Variants in B3GALT1 observed in about 807,000 individuals in gnomAD.
The protein encoded by B3GALT1 is UDP-Gal:betaGlcNAc beta 1,3-galactosyltransferase, polypeptide 1.
B3GALT1 carries 10 observed loss-of-function variants against 23.2 expected under a neutral mutation model. The observed-to-expected ratio is 0.43, with a 90% CI of 0.27 to 0.73. The LOEUF (loss-of-function observed/expected upper bound fraction) is 0.73. Among genes scored for constraint, B3GALT1 ranks in the 30% least tolerant of loss-of-function variants. The pLI is 0.21. For missense variants in B3GALT1, 299 were observed against 405.4 expected (o/e 0.74, Z 2.25); for synonymous variants, 156 against 141.5 (o/e 1.10, Z -0.73).
intron 1 of B3GALT1, among the ~76,000 whole-genome samples, chr2:167,322,794 G>C (rs995306048): frequency 6.6e-6 from 1 of 151,998 alleles, no homozygotes; most frequent in Non-Finnish European, 1.5e-5. Context: ...TGAATTACTG[G>C]TGAGCTTTTT....
chr2:167,508,179 G>A (rs1322063677), intron 2 of B3GALT1, among the ~76,000 whole-genome samples: 1 of 152,016 alleles, frequency 6.6e-6, no homozygotes, highest in African/African-American at 2.4e-5. Context: ...ACTTTAGGCG[G>A]ACATAATACA....
At chr2:167,347,942 T>G (rs1697250381) in intron 1 of B3GALT1, among the ~76,000 whole-genome samples, 1 of 152,168 alleles carries the variant, frequency 6.6e-6, no homozygotes, top group Admixed American at 6.5e-5. Flanking sequence ...GTGTTTAGGT[T>G]AGTAGAAAGA....
At chr2:167,537,306 C>A (rs1223985013) in intron 2 of B3GALT1, among the ~76,000 whole-genome samples, 1 of 152,084 alleles carries the variant, frequency 6.6e-6, no homozygotes, top group East Asian at 1.9e-4. Flanking sequence ...CTCCACCTGG[C>A]CCCTCCCTTG....
intron 2 of B3GALT1, among the ~76,000 whole-genome samples, chr2:167,583,092 TC>T (rs1684517002): frequency 6.6e-6 from 1 of 152,106 alleles, no homozygotes; most frequent in Non-Finnish European, 1.5e-5. Context: ...GGACAAGAAC[TC>T]CTCTGCTCTC....
intron 4 of B3GALT1, among the ~76,000 whole-genome samples, chr2:167,831,276 G>T (rs761493272): frequency 2.6e-5 from 4 of 152,118 alleles, no homozygotes; most frequent in Non-Finnish European, 5.9e-5. Flanking sequence ...AACTACAACT[G>T]CAGTTAATGG....
At chr2:167,552,085 C>T (rs1683757733) in intron 2 of B3GALT1, among the ~76,000 whole-genome samples, 2 of 152,156 alleles carry the variant, frequency 1.3e-5, no homozygotes, top group African/African-American at 4.8e-5. Flanking sequence ...CTTGCAGCTG[C>T]ATCAGTTTTG....
intron 3 of B3GALT1, among the ~76,000 whole-genome samples, chr2:167,700,054 C>T (rs902593437): frequency 3.9e-5 from 6 of 152,030 alleles, no homozygotes; most frequent in African/African-American, 1.2e-4. Flanking sequence ...TTATTGCTAG[C>T]CTTGGCAACA....
At chr2:167,520,272 T>C (rs1406671662) in intron 2 of B3GALT1, among the ~76,000 whole-genome samples, 1 of 151,684 alleles carries the variant, frequency 6.6e-6, no homozygotes, top group Non-Finnish European at 1.5e-5. Context: ...GCAGTCTTTT[T>C]TACATTATAA....
chr2:167,801,652 AT>A (rs753321396), intron 3 of B3GALT1, among the ~76,000 whole-genome samples: 1 of 152,208 alleles, frequency 6.6e-6, no homozygotes, highest in Non-Finnish European at 1.5e-5. Flanking sequence ...TCGGAAAAAA[AT>A]AATAGTGCAT....
intron 1 of B3GALT1, among the ~76,000 whole-genome samples, chr2:167,316,098 G>C (rs1161414569): frequency 2.0e-5 from 3 of 152,074 alleles, no homozygotes; most frequent in Non-Finnish European, 4.4e-5. Flanking sequence ...TACCACTACT[G>C]TGAGAACTGA....
chr2:167,370,213 GAGTTT>G (rs141257706), intron 1 of B3GALT1, among the ~76,000 whole-genome samples: 2,490 of 152,166 alleles, frequency 0.016, 73 homozygotes, highest in African/African-American at 0.057. Flanking sequence ...ATATACATAG[GAGTTT>G]AGTTTAGATT....
intron 3 of B3GALT1, among the ~76,000 whole-genome samples, chr2:167,740,163 G>T (rs2105275344): frequency 6.6e-6 from 1 of 151,498 alleles, no homozygotes; most frequent in Middle Eastern, 3.4e-3. Context: ...TACTAGAGAA[G>T]CTTATAAAGC....
intron 3 of B3GALT1, among the ~76,000 whole-genome samples, chr2:167,786,363 A>G (rs1273701527): frequency 6.6e-6 from 1 of 152,182 alleles, no homozygotes; most frequent in African/African-American, 2.4e-5. Flanking sequence ...ATATAGCATC[A>G]TTTGATTCTC....
chr2:167,746,993 G>T (rs948975979), intron 3 of B3GALT1, among the ~76,000 whole-genome samples: 1 of 151,862 alleles, frequency 6.6e-6, no homozygotes, highest in East Asian at 1.9e-4. Flanking sequence ...GCCCTTTTTC[G>T]CTCCCTTTCT....
At chr2:167,576,534 T>TTTTTTTTTTTTG (rs1684391961) in intron 2 of B3GALT1, among the ~76,000 whole-genome samples, 1 of 147,500 alleles carries the variant, frequency 6.8e-6, no homozygotes, top group African/African-American at 2.5e-5. Flanking sequence ...TTTTTTTTGT[T>TTTTTTTTTTTTG]TTTTTTTTTT....
intron 2 of B3GALT1, among the ~76,000 whole-genome samples, chr2:167,592,980 CAG>C (rs1684710213): frequency 6.6e-6 from 1 of 152,108 alleles, no homozygotes. Flanking sequence ...ATCAAACTAA[CAG>C]AAGTTGTGGG....
Position 167,512,623 on chromosome 2 carries a change from TGTATATATATATAC to T in B3GALT1, c.-410+22347_-410+22360del, listed in dbSNP as rs1293776172. ...ATATATATATGTATATATATATACG[TGTATATATATATAC>T]ATATATATATATATTTTGAGATAGG... is the stretch of plus-strand genomic sequence containing the variant. On this transcript the variant is annotated intron_variant, in intron 2 of 4. Transcript: ENST00000392690. 1.5e-3 allele frequency among the ~76,000 whole-genome samples: 74 copies of T among 49,644 alleles called. 1 individual carries two copies. Among genetic ancestry groups the T allele is most frequent in the East Asian group, 0.013 (1 of 80 alleles). The allele number at this position is 49,644 out of a possible 152,430, so 32.6% of individuals were successfully genotyped here. A position where few individuals can be genotyped will look rare whatever the true frequency, so the allele number is the denominator to read the frequency against.
intron 2 of B3GALT1, among the ~76,000 whole-genome samples, chr2:167,525,559 A>G (rs1407862737): frequency 6.6e-6 from 1 of 152,034 alleles, no homozygotes; most frequent in African/African-American, 2.4e-5. Flanking sequence ...TTGTAATCCA[A>G]CACTCTGCTG....
chr2:167,773,752 A>T (rs1417448978), intron 3 of B3GALT1, among the ~76,000 whole-genome samples: 3 of 152,238 alleles, frequency 2.0e-5, no homozygotes, highest in Non-Finnish European at 4.4e-5. Context: ...ATGCAACCAC[A>T]TGTAATCTGC....
Sources: gnomAD v4.1 joint callset for allele counts (sites outside exome capture counted in the v4.1 genomes callset) on GRCh38, gnomAD v4.1.1 for gene constraint, MANE v1.5 for transcripts, NCBI Gene and HGNC (gene_info 2026-07-23, HGNC 2026-07-21) for gene names.